RASA1: variants seen among roughly 807,000 people sequenced by gnomAD.
RASA1 encodes RAS p21 protein activator 1.
In RASA1, 25 loss-of-function variants were observed where a neutral mutation model predicts 132.2. That is an observed-to-expected ratio of 0.19 (90% CI 0.14 to 0.26). RASA1 has a LOEUF of 0.26. RASA1 is among the 10% of genes least tolerant of loss of function. The pLI is 1.00. For missense variants in RASA1, 964 were observed against 1,299.2 expected, an observed-to-expected ratio of 0.74 and a Z score of 3.97; for synonymous variants, 477 against 449.9, an observed-to-expected ratio of 1.06 and a Z score of -0.76.
At chr5:87,362,138 T>C (rs1364658389) in intron 9 of RASA1, among the ~76,000 whole-genome samples, 2 of 152,220 alleles carry the variant, frequency 1.3e-5, no homozygotes, top group African/African-American at 4.8e-5. Flanking sequence ...ACCTAGCATT[T>C]CTCACAGACA....
At position 87,372,173 on chromosome 5, in the gene RASA1, C is replaced by T. The variant is rs1326946649; in HGVS notation, c.1754C>T (p.Thr585Ile). The change falls in exon 13 of 25, where the codon ACA becomes ATA. Residue 585 changes from threonine to isoleucine, a missense_variant. Coordinates refer to ENST00000274376, the MANE Select transcript of RASA1 (RefSeq NM_002890.3). ...AATTTACGGAAAAGTAGTCCAGGGA[C>T]ATCCAATAAACGCCTTCGTCAGGTG... ...FCNLRKSSPG[T>I]SNKRLRQVSS... is the part of the protein sequence containing the mutation. 1.9e-6 allele frequency: 3 copies of T among 1,613,640 alleles called. No individual in the cohort carries two copies. Among genetic ancestry groups the T allele is most frequent in the Non-Finnish European group, 2.5e-6 (3 of 1,179,728 alleles).
At chr5:87,282,204 A>G (rs1754349672) in intron 1 of RASA1, among the ~76,000 whole-genome samples, 2 of 151,936 alleles carry the variant, frequency 1.3e-5, no homozygotes, top group African/African-American at 2.4e-5. Context: ...TGGTGTTTCA[A>G]GATTCCTTCT....
At chr5:87,301,028 G>A (rs902646868) in intron 1 of RASA1, among the ~76,000 whole-genome samples, 9 of 152,246 alleles carry the variant, frequency 5.9e-5, no homozygotes, top group African/African-American at 2.2e-4. Context: ...CTGCTGAATG[G>A]GACATAAGTG....
chr5:87,349,135 C>T, intron 7 of RASA1, 79 bp from the exon 8 acceptor site: 1 of 1,490,386 alleles, frequency 6.7e-7, no homozygotes, highest in Non-Finnish European at 9.3e-7. Flanking sequence ...ACTTTGAATG[C>T]ACTTTGTAAT....
At chr5:87,328,616 G>T (rs1757401485) in intron 1 of RASA1, among the ~76,000 whole-genome samples, 1 of 152,034 alleles carries the variant, frequency 6.6e-6, no homozygotes, top group Non-Finnish European at 1.5e-5. Context: ...GAAATAAAAA[G>T]AATTACAGAC....
intron 1 of RASA1, among the ~76,000 whole-genome samples, chr5:87,314,094 A>AC (rs1277909054): frequency 5.9e-5 from 9 of 152,046 alleles, no homozygotes; most frequent in African/African-American, 2.2e-4. Flanking sequence ...AATCGCTTGA[A>AC]CCCGGGACGT....
intron 1 of RASA1, among the ~76,000 whole-genome samples, chr5:87,287,686 CATAG>C (rs1278102179): frequency 6.4e-5 from 9 of 141,322 alleles, no homozygotes; most frequent in African/African-American, 2.1e-4. Context: ...ATGTACACGC[CATAG>C]ATATATACCA....
chr5:87,341,347 GAA>G, intron 6 of RASA1, 26 bp downstream of exon 6: 4 of 1,192,104 alleles, frequency 3.4e-6, no homozygotes, highest in Non-Finnish European at 4.3e-6. Flanking sequence ...TTATTAAAAT[GAA>G]AAAAAAAATC....
intron 1 of RASA1, among the ~76,000 whole-genome samples, chr5:87,290,335 TA>T (rs2112266454): frequency 6.6e-6 from 1 of 152,326 alleles, no homozygotes; most frequent in South Asian, 2.1e-4. Flanking sequence ...GTTCACTTTT[TA>T]AAAATTAATA....
At chr5:87,359,957 T>C (rs1340739665) in intron 9 of RASA1, among the ~76,000 whole-genome samples, 1 of 152,200 alleles carries the variant, frequency 6.6e-6, no homozygotes, top group Non-Finnish European at 1.5e-5. Flanking sequence ...CACAGCCATC[T>C]TGTAAACTCT....
At position 87,376,383 on chromosome 5, in the gene RASA1, T is replaced by TC. The variant is rs767183114; in HGVS notation, c.2012-9dup. On this transcript the variant is annotated splice_polypyrimidine_tract_variant and intron_variant, in intron 15 of 24. Coordinates refer to ENST00000274376, the MANE Select transcript of RASA1 (RefSeq NM_002890.3). ...TTTTTAAACAATAATTGCTTGTTTT[T>TC]CTTCCCAAGTATTTATGCGCTGCCA... 3.1e-6 allele frequency: 5 copies of TC among 1,613,812 alleles called. No homozygotes were observed. The Admixed American group carries it at 8.3e-5, about 27-fold the overall frequency.
Position 87,267,979 on chromosome 5 carries a change from G to A in RASA1, c.-473G>A, listed in dbSNP as rs1753640672. 2 of 403,238 alleles carry A rather than the reference G, an allele frequency of 5.0e-6. No individual in the cohort carries two copies. The highest frequency in any genetic ancestry group is 8.6e-5 in the Admixed American group (2 of 23,362). 25.0% of individuals were successfully genotyped at this position (403,238 alleles called of 1,614,324 possible). A position where few individuals can be genotyped will look rare whatever the true frequency, so the allele number is the denominator to read the frequency against. On this transcript the variant is annotated 5_prime_UTR_variant, in exon 1 of 25. Coordinates refer to ENST00000274376, the MANE Select transcript of RASA1 (RefSeq NM_002890.3). ...CCCCCACCCCTCTCATCTGCCTGGT[G>A]GAGGATGAAGCGGCTGCAGTGGCCC...
chr5:87,268,742 T>C lies in RASA1; in HGVS notation c.291T>C (p.Gly97=), dbSNP rs1201250470. 9.9e-6 allele frequency: 16 copies of C among 1,613,138 alleles called. No individual in the cohort carries two copies. The highest frequency in any genetic ancestry group is 1.4e-5 in the Non-Finnish European group (16 of 1,179,578). The part of the protein sequence containing the change: ...TGGGTAAGVA[G]AAAGVAGAAV... ...GAGGTACTGCTGCTGGCGTAGCTGG[T>C]GCTGCTGCTGGCGTGGCCGGTGCTG... The change falls in exon 1 of 25, where the codon GGT becomes GGC. Residue 97 remains glycine (G), a synonymous_variant. Coordinates refer to ENST00000274376, the MANE Select transcript of RASA1 (RefSeq NM_002890.3).
chr5:87,350,029 A>G (rs1580327367), intron 8 of RASA1, among the ~76,000 whole-genome samples: 1 of 152,024 alleles, frequency 6.6e-6, no homozygotes, highest in East Asian at 1.9e-4. Flanking sequence ...AGGCTGGCAT[A>G]ATCTTGTTCT....
chr5:87,321,147 TAATTTC>T (rs1756769650), intron 1 of RASA1, among the ~76,000 whole-genome samples: 1 of 152,168 alleles, frequency 6.6e-6, no homozygotes, highest in African/African-American at 2.4e-5. Flanking sequence ...AAAACGAGAA[TAATTTC>T]AATGATACTG....
chr5:87,360,966 G>A (rs867140330), intron 9 of RASA1, among the ~76,000 whole-genome samples: 3 of 152,158 alleles, frequency 2.0e-5, no homozygotes, highest in Middle Eastern at 3.2e-3. Context: ...AGACAGCAAA[G>A]ATGGCCTTTT....
intron 1 of RASA1, among the ~76,000 whole-genome samples, chr5:87,291,399 A>T (rs1195091785): frequency 6.6e-6 from 1 of 152,126 alleles, no homozygotes; most frequent in Non-Finnish European, 1.5e-5. Flanking sequence ...GATGGTGGTC[A>T]GCACACCTGT....
rs911850106 is a variant in RASA1, at chr5:87,333,043, T to A, written c.829-224T>A. Among the ~76,000 whole-genome samples, 3 of 152,268 alleles carry A rather than the reference T, an allele frequency of 2.0e-5. No homozygotes were observed. In the East Asian group the frequency reaches 5.8e-4, roughly 29 times the overall value. ...AATGAAATGATCATTCATATTACGT[T>A]ATAAAAGCATACTGCTTATATTTAA... On this transcript the variant is annotated intron_variant, in intron 3 of 24. Coordinates refer to ENST00000274376, the MANE Select transcript of RASA1 (RefSeq NM_002890.3).
intron 4 of RASA1, among the ~76,000 whole-genome samples, chr5:87,336,491 C>T (rs1177700852): frequency 6.6e-6 from 1 of 151,700 alleles, no homozygotes; most frequent in Non-Finnish European, 1.5e-5. Flanking sequence ...AATAAAAATA[C>T]CTTAAAAATT....
Sources: allele counts gnomAD v4.1 joint callset (sites outside exome capture counted in the v4.1 genomes callset), GRCh38; gene constraint gnomAD v4.1.1; transcripts MANE v1.5; gene names NCBI Gene and HGNC (gene_info 2026-07-23, HGNC 2026-07-21).